LUZP2: variants seen among roughly 807,000 people sequenced by gnomAD.
LUZP2 encodes leucine zipper protein 2.
LUZP2 carries 52 observed loss-of-function variants against 51.6 expected under a neutral mutation model. The ratio of observed to expected loss-of-function variants is 1.01; its 90% CI spans 0.81 to 1.27. The LOEUF is 1.27. Among genes scored for constraint, LUZP2 ranks in the 50% most tolerant of loss-of-function variants. LUZP2 has a pLI of 0.00. For missense variants in LUZP2, 436 were observed against 395.4 expected (o/e 1.10, Z -0.87); for synonymous variants, 154 against 137.3 (o/e 1.12, Z -0.85).
At chr11:24,523,828 G>A (rs1850718787) in intron 1 of LUZP2, among the ~76,000 whole-genome samples, 1 of 151,626 alleles carries the variant, frequency 6.6e-6, no homozygotes, top group African/African-American at 2.4e-5. Context: ...AGGCCTTAGA[G>A]GCAGTGGGGC....
At chr11:24,574,391 T>A (rs1278697802) in intron 1 of LUZP2, among the ~76,000 whole-genome samples, 5 of 77,514 alleles carry the variant, frequency 6.5e-5, no homozygotes, top group African/African-American at 1.9e-4. Flanking sequence ...TCTTCTTTCT[T>A]TCATCTCTCT....
At chr11:25,028,168 T>C (rs1057203504) in intron 9 of LUZP2, among the ~76,000 whole-genome samples, 1 of 151,924 alleles carries the variant, frequency 6.6e-6, no homozygotes, top group Non-Finnish European at 1.5e-5. Context: ...GTAAATGGAG[T>C]ATTCATCATT....
intron 1 of LUZP2, among the ~76,000 whole-genome samples, chr11:24,558,017 G>T (rs1851921386): frequency 1.3e-5 from 2 of 152,076 alleles, no homozygotes; most frequent in East Asian, 3.9e-4. Flanking sequence ...GGGAAAATCT[G>T]CCCTCAATAT....
At chr11:24,722,304 G>T (rs1324457733) in intron 1 of LUZP2, among the ~76,000 whole-genome samples, 3 of 152,128 alleles carry the variant, frequency 2.0e-5, no homozygotes, top group Non-Finnish European at 4.4e-5. Context: ...AGGAAAAAGG[G>T]TTTAGTGAAC....
intron 5 of LUZP2, among the ~76,000 whole-genome samples, chr11:24,875,068 C>T (rs1471265698): frequency 1.3e-5 from 2 of 151,964 alleles, no homozygotes; most frequent in East Asian, 3.9e-4. Context: ...AATTTGTATC[C>T]ATTAAGGAAA....
intron 1 of LUZP2, among the ~76,000 whole-genome samples, chr11:24,625,624 TTC>T (rs764793589): frequency 2.4e-4 from 37 of 152,114 alleles, no homozygotes; most frequent in Non-Finnish European, 4.9e-4. Flanking sequence ...TTCAAATGCA[TTC>T]TCTGTTTGCT....
intron 5 of LUZP2, among the ~76,000 whole-genome samples, chr11:24,894,175 A>ATTTTTT (rs35929813): frequency 7.4e-6 from 1 of 134,864 alleles, no homozygotes; most frequent in African/African-American, 2.7e-5. Flanking sequence ...AAAGTAATTC[A>ATTTTTT]TTTTTTTTTT....
intron 1 of LUZP2, among the ~76,000 whole-genome samples, chr11:24,593,727 A>C (rs1160470139): frequency 6.6e-6 from 1 of 152,174 alleles, no homozygotes; most frequent in South Asian, 2.1e-4. Flanking sequence ...CTCTTACAGA[A>C]GCTCCAAGGC....
chr11:24,777,971 A>G (rs1848985958), intron 5 of LUZP2, among the ~76,000 whole-genome samples: 1 of 152,136 alleles, frequency 6.6e-6, no homozygotes, highest in Non-Finnish European at 1.5e-5. Flanking sequence ...TATAGTAGGC[A>G]CTTGATAAAT....
chr11:24,961,649 G>A (rs1051502850), intron 7 of LUZP2, among the ~76,000 whole-genome samples: 9 of 152,178 alleles, frequency 5.9e-5, no homozygotes, highest in Admixed American at 2.6e-4. Flanking sequence ...GTCTCTGCAT[G>A]TGAGATGGGT....
chr11:24,932,079 G>A (rs978892039), intron 7 of LUZP2, among the ~76,000 whole-genome samples: 9 of 152,194 alleles, frequency 5.9e-5, no homozygotes, highest in African/African-American at 2.2e-4. Flanking sequence ...CTGCTGGGAA[G>A]TGTCTGTAAA....
intron 9 of LUZP2, among the ~76,000 whole-genome samples, chr11:24,989,102 A>T (rs1590807539): frequency 0.013 from 1 of 80 alleles, no homozygotes; most frequent in Non-Finnish European, 0.071. Context: ...CTGTGCAGTT[A>T]AAAAAAAAAA....
chr11:24,777,609 A>G (rs1167915106), intron 5 of LUZP2, among the ~76,000 whole-genome samples: 2 of 152,232 alleles, frequency 1.3e-5, no homozygotes, highest in African/African-American at 4.8e-5. Flanking sequence ...TCTCAAGTAT[A>G]AAAGTTATAC....
At chr11:24,854,892 C>G (rs765504670) in intron 5 of LUZP2, among the ~76,000 whole-genome samples, 1 of 152,092 alleles carries the variant, frequency 6.6e-6, no homozygotes, top group African/African-American at 2.4e-5. Flanking sequence ...GGGAATTTCT[C>G]GACCCCTTTC....
Position 24,827,186 on chromosome 11 carries a change from G to A in LUZP2, c.396+63878G>A, listed in dbSNP as rs553959897. 5.0e-4 allele frequency among the ~76,000 whole-genome samples: 76 copies of A among 152,214 alleles called. No individual in the cohort carries two copies. The South Asian group carries it at 0.014, about 28-fold the overall frequency. ...ATGGCATATTCAGTTGAGGGACCTTGGATTTGTAGCATTTAATTACCAATG... is the reference window on the plus strand; with the variant it reads ...ATGGCATATTCAGTTGAGGGACCTTAGATTTGTAGCATTTAATTACCAATG... On this transcript the variant is annotated intron_variant, in intron 5 of 11. Coordinates refer to ENST00000336930, the MANE Select transcript of LUZP2 (RefSeq NM_001009909.4).
At chr11:24,981,558 C>A (rs1197891056) in intron 8 of LUZP2, among the ~76,000 whole-genome samples, 1 of 151,740 alleles carries the variant, frequency 6.6e-6, no homozygotes, top group Admixed American at 6.6e-5. Context: ...CCTGGGAATG[C>A]AGCCCAGTAG....
At chr11:24,596,873 C>T (rs1319158199) in intron 1 of LUZP2, among the ~76,000 whole-genome samples, 2 of 152,126 alleles carry the variant, frequency 1.3e-5, no homozygotes, top group East Asian at 1.9e-4. Flanking sequence ...ATTTAAGGTC[C>T]ACCTTTTCTG....
At chr11:24,868,583 G>T (rs1447862415) in intron 5 of LUZP2, among the ~76,000 whole-genome samples, 1 of 151,998 alleles carries the variant, frequency 6.6e-6, no homozygotes, top group African/African-American at 2.4e-5. Context: ...GGGCTAAGAA[G>T]AAATTATATT....
intron 9 of LUZP2, among the ~76,000 whole-genome samples, chr11:25,044,124 A>ATATATAGAGT (rs369918542): frequency 8.7e-6 from 1 of 114,350 alleles, no homozygotes; most frequent in Admixed American, 9.9e-5. Flanking sequence ...TATATCAGAT[A>ATATATAGAGT]CATATGTAGT....
Sources: allele counts gnomAD v4.1 joint callset (sites outside exome capture counted in the v4.1 genomes callset), GRCh38; gene constraint gnomAD v4.1.1; transcripts MANE v1.5; gene names NCBI Gene and HGNC (gene_info 2026-07-23, HGNC 2026-07-21).